Variants in ATP1A1 observed in about 807,000 individuals in gnomAD.
ATP1A1 encodes sodium/potassium-transporting ATPase subunit alpha-1.
Under a neutral mutation model 114.8 loss-of-function variants are expected in ATP1A1, and 14 were observed. That is an observed-to-expected ratio of 0.12 (90% CI 0.08 to 0.19). ATP1A1 has a LOEUF of 0.19. Among genes scored for constraint, ATP1A1 ranks in the 10% least tolerant of loss-of-function variants. ATP1A1 has a pLI of 1.00. For missense variants in ATP1A1, 524 were observed against 1,290.7 expected, an observed-to-expected ratio of 0.41 and a Z score of 9.10; for synonymous variants, 471 against 466.3, an observed-to-expected ratio of 1.01 and a Z score of -0.13.
In ATP1A1 at chr1:116,397,642, A is replaced by T. The variant is rs1193803775; in HGVS notation, c.1974-246A>T. 2.0e-5 allele frequency among the ~76,000 whole-genome samples: 3 copies of T among 152,306 alleles called. No individual in the cohort carries two copies. The East Asian group carries it at 5.8e-4, about 29-fold the overall frequency. ...ATATTTCAGCATGTCTAATAAAGAT[A>T]GGGAAAGGAAGAATACAGACAGGCC... On this transcript the variant is annotated intron_variant, in intron 14 of 22. Coordinates refer to ENST00000295598, the MANE Select transcript of ATP1A1 (RefSeq NM_000701.8). This position sits in a 1 kb window ranked among gnomAD's most constrained non-coding sequence, Gnocchi z 4.2.
chr1:116,399,689 G>T lies in ATP1A1; in HGVS notation c.2572+146G>T, dbSNP rs143621813. On this transcript the variant is annotated intron_variant, in intron 18 of 22. Coordinates refer to ENST00000295598, the MANE Select transcript of ATP1A1 (RefSeq NM_000701.8). This position sits in a 1 kb window ranked among gnomAD's most constrained non-coding sequence, Gnocchi z 5.0. ...AGCCCTAACGGAGTGAGCCTGTGGA[G>T]TTTCTCTGAACTCTCTTCCATGTGA... 2.6e-6 allele frequency: 3 copies of T among 1,168,330 alleles called. No homozygotes were observed. Among genetic ancestry groups the T allele is most frequent in the Non-Finnish European group, 3.5e-6 (3 of 851,590 alleles). 72.4% of individuals were successfully genotyped at this position (1,168,330 alleles called of 1,614,324 possible). A position where few individuals can be genotyped will look rare whatever the true frequency, so the allele number is the denominator to read the frequency against.
Sources: allele counts gnomAD v4.1 joint callset (sites outside exome capture counted in the v4.1 genomes callset), GRCh38; gene constraint gnomAD v4.1.1; non-coding constraint Gnocchi (gnomAD v3.1); transcripts MANE v1.5; gene names NCBI Gene and HGNC (gene_info 2026-07-23, HGNC 2026-07-21).